Variants in CUX2 observed in about 807,000 individuals in gnomAD.
CUX2 encodes homeobox protein cut-like 2.
In CUX2, 40 loss-of-function variants were observed where a neutral mutation model predicts 144.8. That is an observed-to-expected ratio of 0.28 (90% CI 0.21 to 0.36). The LOEUF is 0.36. CUX2 is among the 10% of genes least tolerant of loss of function. The pLI, the probability that CUX2 is intolerant of heterozygous loss-of-function variation, is 1.00. For missense variants in CUX2, 1,615 were observed against 1,994.0 expected (o/e 0.81, Z 3.62); for synonymous variants, 827 against 875.6 (o/e 0.94, Z 0.98).
chr12:111,341,808 C>G lies in CUX2; in HGVS notation c.3414C>G (p.Ile1138Met). The G allele has an allele frequency of 6.2e-7, 1 of 1,609,650 alleles. No individual in the cohort carries two copies. The highest frequency in any genetic ancestry group is 8.5e-7 in the Non-Finnish European group (1 of 1,178,924). ...KAYLKRRYGL[I>M]STGSDSESPA... is the part of the protein sequence containing the mutation. The stretch of plus-strand genomic sequence containing the variant: ...ACCTGAAACGTCGCTATGGCCTCAT[C>G]AGCACCGGCTCAGACAGTGAGTCCC... The change falls in exon 21 of 22, where the codon ATC becomes ATG. Residue 1138 changes from isoleucine (I) to methionine (M), a missense_variant. Physicochemically the swap from Ile to Met is conservative, Grantham distance 10. Transcript: ENST00000261726.
chr12:111,220,446 G>T (rs1395101667), intron 3 of CUX2, among the ~76,000 whole-genome samples: 1 of 152,066 alleles, frequency 6.6e-6, no homozygotes, highest in Admixed American at 6.5e-5. Context: ...AGGTTTGGGT[G>T]ATGTTCGGGA....
chr12:111,223,358 C>T (rs1471540004), intron 3 of CUX2, among the ~76,000 whole-genome samples: 1 of 152,190 alleles, frequency 6.6e-6, no homozygotes, highest in Non-Finnish European at 1.5e-5. Flanking sequence ...CTGCGCTTCA[C>T]ATTGACACCC....
intron 4 of CUX2, among the ~76,000 whole-genome samples, chr12:111,265,044 A>G (rs1027687419): frequency 1.3e-5 from 2 of 152,154 alleles, no homozygotes; most frequent in African/African-American, 4.8e-5. Flanking sequence ...ATGTCATTGA[A>G]TTGTTCACGT....
At chr12:111,126,231 C>G (rs1875075007) in intron 1 of CUX2, among the ~76,000 whole-genome samples, 1 of 151,962 alleles carries the variant, frequency 6.6e-6, no homozygotes. Context: ...GCCTCAGTCT[C>G]CCTAGTAGCT....
At chr12:111,344,156 C>G (rs1327431962) in intron 21 of CUX2, among the ~76,000 whole-genome samples, 2 of 152,232 alleles carry the variant, frequency 1.3e-5, no homozygotes, top group African/African-American at 4.8e-5. Context: ...TCATTTCCTT[C>G]CCTCCCTGGG....
chr12:111,299,026 G>C (rs937563860), intron 9 of CUX2, among the ~76,000 whole-genome samples: 4 of 152,244 alleles, frequency 2.6e-5, no homozygotes, highest in African/African-American at 9.6e-5. Context: ...CTGGTGGGCA[G>C]AGTCAGGCAG....
At chr12:111,107,439 C>A (rs1873676170) in intron 1 of CUX2, among the ~76,000 whole-genome samples, 1 of 152,274 alleles carries the variant, frequency 6.6e-6, no homozygotes. Context: ...ATGTCACTTA[C>A]AATTCTTTTC....
intron 1 of CUX2, among the ~76,000 whole-genome samples, chr12:111,158,575 G>A (rs1877544469): frequency 6.6e-6 from 1 of 152,086 alleles, no homozygotes; most frequent in African/African-American, 2.4e-5. Context: ...AAGGGAATGG[G>A]ACTCTGGGGA....
intron 3 of CUX2, among the ~76,000 whole-genome samples, chr12:111,245,395 T>TACTTTTTTCTTAATTTTTTTCC (rs1883230199): frequency 6.6e-6 from 1 of 152,064 alleles, no homozygotes; most frequent in East Asian, 1.9e-4. Flanking sequence ...AATTTTTTTT[T>TACTTTTTTCTTAATTTTTTTCC]ACTTTTTTCT....
At chr12:111,065,699 A>G (rs1479068263) in intron 1 of CUX2, among the ~76,000 whole-genome samples, 2 of 152,244 alleles carry the variant, frequency 1.3e-5, no homozygotes, top group Non-Finnish European at 2.9e-5. Context: ...CAGTATTACC[A>G]TGTGAGAATG....
intron 1 of CUX2, among the ~76,000 whole-genome samples, chr12:111,169,077 A>G (rs985094950): frequency 4.6e-5 from 7 of 152,174 alleles, no homozygotes; most frequent in Non-Finnish European, 8.8e-5. Context: ...GGGTCTCTGC[A>G]GGTGAAATCA....
chr12:111,133,208 C>G (rs1875615397), intron 1 of CUX2, among the ~76,000 whole-genome samples: 1 of 152,178 alleles, frequency 6.6e-6, no homozygotes, highest in African/African-American at 2.4e-5. Context: ...CTAAACTGTT[C>G]CAACCTCTGC....
At chr12:111,167,988 T>C (rs73415914) in intron 1 of CUX2, among the ~76,000 whole-genome samples, 7,043 of 152,122 alleles carry the variant, frequency 0.046, 532 homozygotes, top group African/African-American at 0.16. Flanking sequence ...GCCACTGCGC[T>C]CAGGGTACGC....
At chr12:111,223,892 T>C (rs1225727192) in intron 3 of CUX2, among the ~76,000 whole-genome samples, 1 of 151,672 alleles carries the variant, frequency 6.6e-6, no homozygotes, top group Non-Finnish European at 1.5e-5. Flanking sequence ...CCTGGGGGAG[T>C]AGGGAACCCT....
chr12:111,115,587 T>C (rs1016477790), intron 1 of CUX2, among the ~76,000 whole-genome samples: 1 of 152,144 alleles, frequency 6.6e-6, no homozygotes, highest in Non-Finnish European at 1.5e-5. Context: ...AATCTTCCAA[T>C]CTATGAACAT....
chr12:111,098,516 C>G (rs933467618), intron 1 of CUX2, among the ~76,000 whole-genome samples: 3 of 152,184 alleles, frequency 2.0e-5, no homozygotes, highest in Non-Finnish European at 4.4e-5. Flanking sequence ...AAAGTAGATA[C>G]GCATCTCTGG....
chr12:111,184,573 CAAAAAAAA>C (rs71445536), intron 1 of CUX2, among the ~76,000 whole-genome samples: 111 of 46,918 alleles, frequency 2.4e-3, no homozygotes, highest in Admixed American at 8.2e-3. Flanking sequence ...TTCTCTCTAC[CAAAAAAAA>C]AAAAAAAAAA....
At chr12:111,100,570 G>T (rs1249275483) in intron 1 of CUX2, among the ~76,000 whole-genome samples, 1 of 152,186 alleles carries the variant, frequency 6.6e-6, no homozygotes, top group Non-Finnish European at 1.5e-5. Context: ...GTGCAAGTCA[G>T]AGGGGTATGC....
intron 1 of CUX2, among the ~76,000 whole-genome samples, chr12:111,090,971 C>G (rs61254198): frequency 0.027 from 4,085 of 152,220 alleles, 164 homozygotes; most frequent in African/African-American, 0.093. Flanking sequence ...GCCGAGGCTC[C>G]CTGTGTGCTT....
Sources: gnomAD v4.1 joint callset for allele counts (sites outside exome capture counted in the v4.1 genomes callset) on GRCh38, gnomAD v4.1.1 for gene constraint, MANE v1.5 for transcripts, NCBI Gene and HGNC (gene_info 2026-07-23, HGNC 2026-07-21) for gene names.